Variants in CSPP1 observed in about 807,000 individuals in gnomAD.
CSPP1 encodes the protein centrosome and spindle pole associated protein 1.
A neutral mutation model predicts 164.4 loss-of-function variants in CSPP1; 126 were observed. That is an observed-to-expected ratio of 0.77 (90% CI 0.66 to 0.89). The LOEUF (loss-of-function observed/expected upper bound fraction) is 0.89, where lower values mean the gene tolerates loss of function less well. CSPP1 is among the 40% of genes least tolerant of loss of function. The pLI is 0.00. For synonymous variants in CSPP1, 472 were observed against 476.7 expected, an observed-to-expected ratio of 0.99 and a Z score of 0.13; for missense variants, 1,395 against 1,449.8, an observed-to-expected ratio of 0.96 and a Z score of 0.61.
At chr8:67,192,935 T>A (rs959216493) in intron 29 of CSPP1, among the ~76,000 whole-genome samples, 1 of 152,254 alleles carries the variant, frequency 6.6e-6, no homozygotes, top group African/African-American at 2.4e-5. Flanking sequence ...TTGTGTCCTA[T>A]AATTCTCAAG....
At chr8:67,118,172 A>G in intron 13 of CSPP1, 76 bp from the exon 14 acceptor site, 1 of 1,506,406 alleles carries the variant, frequency 6.6e-7, no homozygotes, top group Non-Finnish European at 9.2e-7. Flanking sequence ...CTGTTTTTGC[A>G]AAAGAGTAAC....
Position 67,132,047 on chromosome 8 carries a change from A to G in CSPP1, c.1794A>G (p.Ser598=), listed in dbSNP as rs1821340008. The G allele has an allele frequency of 6.2e-7, 1 of 1,613,740 alleles. No homozygotes were observed. The highest frequency in any genetic ancestry group is 8.5e-7 in the Non-Finnish European group (1 of 1,179,828). ...ATAAACCGAAACCTTCCAAACAGTC[A>G]CTTCAGTCTTACCAAGAGGCTTTGC... The part of the protein sequence containing the change: ...FEDKPKPSKQ[S]LQSYQEALQQ... Residue 598 remains serine (S), a synonymous_variant, in exon 16 of 31, where the codon TCA becomes TCG. Coordinates refer to ENST00000678616, the MANE Select transcript of CSPP1 (RefSeq NM_001382391.1).
intron 17 of CSPP1, among the ~76,000 whole-genome samples, chr8:67,141,310 G>A (rs563288971): frequency 2.6e-5 from 4 of 152,062 alleles, no homozygotes; most frequent in East Asian, 1.9e-4. Flanking sequence ...TTAGAATTGC[G>A]TGACCTAATG....
intron 15 of CSPP1, among the ~76,000 whole-genome samples, chr8:67,129,670 T>C (rs1489894574): frequency 6.6e-6 from 1 of 152,210 alleles, no homozygotes; most frequent in African/African-American, 2.4e-5. Flanking sequence ...GATGAAGTAC[T>C]ACTCAGCAAT....
chr8:67,193,700 T>G (rs1354373333), intron 30 of CSPP1, 98 bp downstream of exon 30: 1 of 1,115,742 alleles, frequency 9.0e-7, no homozygotes, highest in Non-Finnish European at 1.3e-6. Flanking sequence ...ATAGATGGAA[T>G]GAGTTTGAAG....
At chr8:67,074,904 A>T in intron 2 of CSPP1, 1 of 178,434 alleles carries the variant, frequency 5.6e-6, no homozygotes, top group Non-Finnish European at 1.2e-5. Flanking sequence ...CCTCAGCCTC[A>T]TGAGTAGCTG....
chr8:67,119,332 A>G (rs183704875), intron 15 of CSPP1, among the ~76,000 whole-genome samples: 1 of 152,298 alleles, frequency 6.6e-6, no homozygotes, highest in East Asian at 1.9e-4. Context: ...CTATTTGTGA[A>G]TAATGCTGCT....
chr8:67,085,681 A>T (rs1196810405), intron 3 of CSPP1, among the ~76,000 whole-genome samples: 2 of 152,172 alleles, frequency 1.3e-5, no homozygotes, highest in Non-Finnish European at 2.9e-5. Flanking sequence ...GCACACATGC[A>T]TATAAATATG....
At chr8:67,114,793 T>A (rs1817590500) in intron 12 of CSPP1, 1 of 152,240 alleles carries the variant, frequency 6.6e-6, no homozygotes, top group Non-Finnish European at 1.5e-5. Context: ...AATTTTGTAT[T>A]TATGGTTACA....
chr8:67,117,243 T>C (rs16933170), intron 13 of CSPP1, among the ~76,000 whole-genome samples: 18,722 of 152,114 alleles, frequency 0.12, 2,254 homozygotes, highest in African/African-American at 0.31. Context: ...GTTGATGTAT[T>C]TTTGTTGTGA....
chr8:67,080,645 C>T (rs1180083271), intron 3 of CSPP1, among the ~76,000 whole-genome samples: 1 of 152,204 alleles, frequency 6.6e-6, no homozygotes, highest in Non-Finnish European at 1.5e-5. Context: ...GGGGGTTTCC[C>T]CTATCCCCTC....
chr8:67,118,713 CTTTT>C (rs751242333), intron 14 of CSPP1, 26 bp from the exon 15 acceptor site: 2 of 1,482,330 alleles, frequency 1.3e-6, no homozygotes, highest in South Asian at 1.3e-5. Context: ...TCTAAATAAA[CTTTT>C]TTTGTTTTTT....
chr8:67,169,468 C>T (rs796534415), intron 24 of CSPP1, among the ~76,000 whole-genome samples: 32 of 152,086 alleles, frequency 2.1e-4, no homozygotes, highest in African/African-American at 7.0e-4. Context: ...TTTTTTGAGA[C>T]GGAGTCTCGC....
chr8:67,169,894 C>T (rs1586695681), intron 24 of CSPP1, among the ~76,000 whole-genome samples: 1 of 152,154 alleles, frequency 6.6e-6, no homozygotes, highest in African/African-American at 2.4e-5. Flanking sequence ...ACTACAGGTG[C>T]AGGCTACCAC....
intron 9 of CSPP1, among the ~76,000 whole-genome samples, chr8:67,106,762 G>A (rs910225968): frequency 1.3e-5 from 2 of 152,054 alleles, no homozygotes; most frequent in Admixed American, 6.6e-5. Flanking sequence ...ACTGAAATTT[G>A]GTTTTAGTAA....
chr8:67,177,182 T>C (rs73693130), intron 26 of CSPP1, among the ~76,000 whole-genome samples: 2,013 of 152,274 alleles, frequency 0.013, 38 homozygotes, highest in African/African-American at 0.045. Flanking sequence ...TTGTTTATTT[T>C]CAAAGGCAGT....
chr8:67,096,177 CAG>C (rs1359367455), intron 7 of CSPP1, among the ~76,000 whole-genome samples: 3 of 152,162 alleles, frequency 2.0e-5, no homozygotes, highest in Non-Finnish European at 2.9e-5. Context: ...GGCAAGAATT[CAG>C]AGTTTTCTCA....
At chr8:67,105,373 A>ATGTTTT (rs898356568) in intron 8 of CSPP1, among the ~76,000 whole-genome samples, 12 of 151,992 alleles carry the variant, frequency 7.9e-5, no homozygotes, top group Middle Eastern at 3.4e-3. Flanking sequence ...AGCAAGCTGA[A>ATGTTTT]TGTTTTTGTT....
At chr8:67,152,992 G>C (rs1034693806) in intron 18 of CSPP1, among the ~76,000 whole-genome samples, 1 of 152,140 alleles carries the variant, frequency 6.6e-6, no homozygotes, top group African/African-American at 2.4e-5. Flanking sequence ...GAGGTCAGGA[G>C]TTAGAGACCA....
Sources: gnomAD v4.1 joint callset for allele counts (sites outside exome capture counted in the v4.1 genomes callset) on GRCh38, gnomAD v4.1.1 for gene constraint, MANE v1.5 for transcripts, NCBI Gene and HGNC (gene_info 2026-07-23, HGNC 2026-07-21) for gene names.